The following FOXJ3 variants were observed in gnomAD, a reference collection of about 807,000 sequenced individuals.
FOXJ3 encodes forkhead box J3.
FOXJ3 carries 22 observed loss-of-function variants against 76.1 expected under a neutral mutation model. The ratio of observed to expected loss-of-function variants is 0.29; its 90% CI spans 0.21 to 0.41. The LOEUF (loss-of-function observed/expected upper bound fraction) is 0.41. Among genes scored for constraint, FOXJ3 ranks in the 10% least tolerant of loss-of-function variants. FOXJ3 has a pLI of 1.00. For missense variants in FOXJ3, 613 were observed against 762.1 expected, an observed-to-expected ratio of 0.80 and a Z score of 2.30; for synonymous variants, 269 against 261.2, an observed-to-expected ratio of 1.03 and a Z score of -0.29.
At chr1:42,236,041 A>C (rs1648598200) in intron 4 of FOXJ3, among the ~76,000 whole-genome samples, 1 of 152,138 alleles carries the variant, frequency 6.6e-6, no homozygotes, top group African/African-American at 2.4e-5. Context: ...TAGAAATCTC[A>C]CAAAAACTGA....
chr1:42,315,469 AAC>A, intron 1 of FOXJ3: 1 of 917,032 alleles, frequency 1.1e-6, no homozygotes, highest in Non-Finnish European at 1.3e-6. Context: ...TCCAAACACC[AAC>A]ACCCTTAGTA....
At chr1:42,324,023 G>GTA (rs1197068141) in intron 1 of FOXJ3, among the ~76,000 whole-genome samples, 13 of 125,736 alleles carry the variant, frequency 1.0e-4, no homozygotes, top group Non-Finnish European at 1.8e-4. Flanking sequence ...AATATATATA[G>GTA]TATATATATA....
At chr1:42,268,577 T>C (rs1252127927) in intron 3 of FOXJ3, among the ~76,000 whole-genome samples, 1 of 152,052 alleles carries the variant, frequency 6.6e-6, no homozygotes, top group East Asian at 1.9e-4. Flanking sequence ...AAAAAATAAA[T>C]TGTATAAAGC....
intron 2 of FOXJ3, among the ~76,000 whole-genome samples, chr1:42,299,347 TATC>T (rs1161420421): frequency 6.7e-6 from 1 of 149,492 alleles, no homozygotes; most frequent in Non-Finnish European, 1.5e-5. Flanking sequence ...TCAAACCCTT[TATC>T]ATTATATAAT....
At chr1:42,321,263 T>C (rs1038499495) in intron 1 of FOXJ3, among the ~76,000 whole-genome samples, 14 of 152,190 alleles carry the variant, frequency 9.2e-5, no homozygotes, top group African/African-American at 1.7e-4. Context: ...AACGGTTTCC[T>C]ATCATTTGTC....
rs1440158163 is a variant in FOXJ3 at position 42,191,509 on chromosome 1, T to G, written c.1145A>C (p.His382Pro). ...HPQMHTQPSP[H>P]PPHRPHGLPQ... The stretch of plus-strand genomic sequence containing the variant: ...TAAACCATGCGGTCGATGGGGAGGA[T>G]GTGGAGATGGCTGTGTGTGCATCTG... The change falls in exon 9 of 13, where the codon CAT becomes CCT. Residue 382 changes from histidine (H) to proline (P), a missense_variant. Transcript: ENST00000361346. 1.2e-6 allele frequency: 2 copies of G among 1,613,714 alleles called. No individual in the cohort carries two copies. The highest frequency in any genetic ancestry group is 1.7e-6 in the Non-Finnish European group (2 of 1,179,942).
chr1:42,268,253 A>G (rs1455784036), intron 3 of FOXJ3, among the ~76,000 whole-genome samples: 2 of 152,116 alleles, frequency 1.3e-5, no homozygotes, highest in Non-Finnish European at 2.9e-5. Context: ...GGTAAGAATT[A>G]CAGTGGACTT....
At chr1:42,321,279 T>C (rs1355457827) in intron 1 of FOXJ3, among the ~76,000 whole-genome samples, 2 of 152,160 alleles carry the variant, frequency 1.3e-5, no homozygotes, top group Non-Finnish European at 2.9e-5. Flanking sequence ...TTGTCAATAA[T>C]GCTCAATAGG....
chr1:42,270,890 C>T lies in FOXJ3; in HGVS notation c.370-5701G>A, dbSNP rs114353979. 4.1e-3 allele frequency among the ~76,000 whole-genome samples: 624 copies of T among 152,270 alleles called. 3 individuals are homozygous for T. The highest frequency in any genetic ancestry group is 0.014 in the African/African-American group (581 of 41,554). On this transcript the variant is annotated intron_variant, in intron 3 of 12. Transcript: ENST00000361346. ...AAAGCTGAGTTTAAACTGCCACCTC[C>T]AATCCAACCAACTGCTACATTCTTA...
At chr1:42,185,869 G>A (rs996387543) in intron 11 of FOXJ3, among the ~76,000 whole-genome samples, 3 of 152,066 alleles carry the variant, frequency 2.0e-5, no homozygotes, top group African/African-American at 7.3e-5. Context: ...GAGTCTACAG[G>A]AAGCTCATGG....
rs766341006 is a variant in FOXJ3, at chr1:42,177,858, A to T, written c.*1852T>A. 1 of 152,588 alleles carries T rather than the reference A, an allele frequency of 6.6e-6. No individual in the cohort carries two copies. Among genetic ancestry groups the T allele is most frequent in the Admixed American group, 6.5e-5 (1 of 15,274 alleles). The allele number at this position is 152,588 out of a possible 1,614,324, so 9.5% of individuals were successfully genotyped here. On this transcript the variant is annotated 3_prime_UTR_variant, in exon 13 of 13. Coordinates refer to ENST00000361346, the MANE Select transcript of FOXJ3 (RefSeq NM_014947.5). ...CAAGTAGAGATTACTCAACCATAGA[A>T]TCACTAAGGCTAATTAAAGTGATTT...
chr1:42,218,113 T>G (rs1354280103), intron 5 of FOXJ3, among the ~76,000 whole-genome samples: 1 of 152,198 alleles, frequency 6.6e-6, no homozygotes, highest in Non-Finnish European at 1.5e-5. Flanking sequence ...GCATGTAGAT[T>G]GCAATTCTTC....
intron 2 of FOXJ3, among the ~76,000 whole-genome samples, chr1:42,303,498 G>A (rs772865997): frequency 1.3e-5 from 2 of 152,154 alleles, no homozygotes; most frequent in African/African-American, 4.8e-5. Context: ...CCTCCTTCTG[G>A]TAGTTCTAAA....
chr1:42,199,151 A>G lies in FOXJ3; in HGVS notation c.710T>C (p.Leu237Ser). The change falls in exon 7 of 13, where the codon TTG becomes TCG. Residue 237 changes from leucine to serine, a missense_variant. Coordinates refer to ENST00000361346, the MANE Select transcript of FOXJ3 (RefSeq NM_014947.5). ...AACACTGTTCAAATTAACAGATGCC[A>G]AACTCTGGTCTGAGAGACTGTTGTT... ...SLNNSLSDQS[L>S]ASVNLNSVGS... 2 of 1,613,612 alleles carry G rather than the reference A, an allele frequency of 1.2e-6. No homozygotes were observed. The highest frequency in any genetic ancestry group is 1.7e-6 in the Non-Finnish European group (2 of 1,179,532).
intron 2 of FOXJ3, among the ~76,000 whole-genome samples, chr1:42,297,746 T>C (rs1299975622): frequency 3.3e-5 from 5 of 152,214 alleles, no homozygotes; most frequent in African/African-American, 9.6e-5. Flanking sequence ...CTGACTTTGG[T>C]ATCTGGTGTC....
chr1:42,201,551 C>T (rs916755214), intron 6 of FOXJ3, among the ~76,000 whole-genome samples: 22 of 152,274 alleles, frequency 1.4e-4, no homozygotes, highest in African/African-American at 4.8e-4. Context: ...TAGTGCTAGA[C>T]CTAGCTTGCG....
intron 5 of FOXJ3, among the ~76,000 whole-genome samples, chr1:42,206,621 T>C (rs796897953): frequency 1.3e-5 from 2 of 152,338 alleles, no homozygotes; most frequent in African/African-American, 4.8e-5. Flanking sequence ...TATTGATACA[T>C]ATTAGATGTA....
intron 2 of FOXJ3, among the ~76,000 whole-genome samples, chr1:42,283,919 C>A (rs1205068701): frequency 6.6e-6 from 1 of 152,150 alleles, no homozygotes; most frequent in Non-Finnish European, 1.5e-5. Context: ...GCCCTGCCTG[C>A]CCTCTGGAAT....
chr1:42,237,104 G>A (rs1648705607), intron 4 of FOXJ3, among the ~76,000 whole-genome samples: 1 of 151,820 alleles, frequency 6.6e-6, no homozygotes, highest in African/African-American at 2.4e-5. Flanking sequence ...GGCCAGGCGT[G>A]GTGACTCACA....
Sources: allele counts gnomAD v4.1 joint callset (sites outside exome capture counted in the v4.1 genomes callset), GRCh38; gene constraint gnomAD v4.1.1; transcripts MANE v1.5; gene names NCBI Gene and HGNC (gene_info 2026-07-23, HGNC 2026-07-21).